Variants in TTC34 observed in about 807,000 individuals in gnomAD.
TTC34 encodes tetratricopeptide repeat protein 34.
In TTC34, 44 loss-of-function variants were observed where a neutral mutation model predicts 40.7. The ratio of observed to expected loss-of-function variants is 1.08; its 90% CI spans 0.85 to 1.39. The LOEUF (loss-of-function observed/expected upper bound fraction) is 1.39. Among genes scored for constraint, TTC34 ranks in the 40% most tolerant of loss-of-function variants. TTC34 has a pLI of 0.00. For missense variants in TTC34, 884 were observed against 838.0 expected (o/e 1.05, Z -0.68); for synonymous variants, 422 against 398.6 (o/e 1.06, Z -0.70).
At position 2,796,129 on chromosome 1, in the gene TTC34, C is replaced by A. The variant is rs1398049820; in HGVS notation, c.784+3915G>T. On this transcript the variant is annotated intron_variant, in intron 2 of 8. Coordinates refer to ENST00000401095, the Ensembl canonical transcript of TTC34. This position sits in a 1 kb window ranked among gnomAD's most constrained non-coding sequence, Gnocchi z 4.5. ...CAAGGCGCCATCTTGGAATCCGAAT[C>A]CCCAAGCCTGTTGGGGCCTTGGTTT... Among the ~76,000 whole-genome samples, 3 of 152,180 alleles carry A rather than the reference C, an allele frequency of 2.0e-5. No homozygotes were observed. The highest frequency in any genetic ancestry group is 4.4e-5 in the Non-Finnish European group (3 of 68,028).
exon 2 of TTC34, chr1:2,800,681 G>A (rs966444148): frequency 1.6e-4 from 63 of 398,426 alleles, no homozygotes; most frequent in Non-Finnish European, 2.5e-4. Context: ...CCTGGGCCAG[G>A]GCAGTGCGCA....
chr1:2,682,219 G>A (rs1259319953), intron 6 of TTC34, among the ~76,000 whole-genome samples: 1 of 129,070 alleles, frequency 7.7e-6, no homozygotes, highest in African/African-American at 2.7e-5. Flanking sequence ...ACCTGGAGCA[G>A]CACCCACAAC....
At chr1:2,787,568 G>A (rs1643606817) in exon 4 of TTC34, 4 of 1,546,274 alleles carry the variant, frequency 2.6e-6, no homozygotes, top group African/African-American at 2.7e-5. Flanking sequence ...TCCGGGATAG[G>A]GCCACCAGCA....
intron 2 of TTC34, among the ~76,000 whole-genome samples, chr1:2,797,239 A>T (rs1039708172): frequency 6.6e-6 from 1 of 152,104 alleles, no homozygotes; most frequent in South Asian, 2.1e-4. Flanking sequence ...GGGCCCACCC[A>T]CTAGCTGTTC....
chr1:2,685,039 C>A (rs1423824650), intron 6 of TTC34, among the ~76,000 whole-genome samples: 7 of 123,548 alleles, frequency 5.7e-5, no homozygotes, highest in African/African-American at 1.9e-4. Context: ...CACCCACACC[C>A]ACAGGTGAGC....
intron 6 of TTC34, among the ~76,000 whole-genome samples, chr1:2,683,620 G>A (rs1173575940): frequency 8.3e-5 from 4 of 48,254 alleles, no homozygotes; most frequent in African/African-American, 1.6e-4. Context: ...ACATCCTTCA[G>A]CAGCACCCAC....
At chr1:2,694,896 G>A (rs1258880575) in intron 6 of TTC34, among the ~76,000 whole-genome samples, 1 of 139,758 alleles carries the variant, frequency 7.2e-6, no homozygotes, top group African/African-American at 2.7e-5. Flanking sequence ...CCGACAGCCT[G>A]GAACAGCACC....
At chr1:2,641,512 C>T in exon 9 of TTC34, 4 of 1,535,522 alleles carry the variant, frequency 2.6e-6, no homozygotes, top group Non-Finnish European at 3.5e-6. Context: ...GGCAGCACTG[C>T]CCGCGGAGAA....
At chr1:2,698,502 T>C (rs1446740468) in intron 6 of TTC34, among the ~76,000 whole-genome samples, 1 of 122,662 alleles carries the variant, frequency 8.2e-6, no homozygotes, top group African/African-American at 3.2e-5. Context: ...GGCGAGCATC[T>C]GACAGCCTGA....
intron 6 of TTC34, among the ~76,000 whole-genome samples, chr1:2,752,658 G>T: frequency 7.1e-6 from 1 of 141,154 alleles, no homozygotes; most frequent in Non-Finnish European, 1.5e-5. Context: ...CACACCCCCA[G>T]GCGAGCATCT....
intron 6 of TTC34, among the ~76,000 whole-genome samples, chr1:2,694,107 AC>A (rs2100379476): frequency 7.2e-6 from 1 of 138,838 alleles, no homozygotes; most frequent in Non-Finnish European, 1.6e-5. Context: ...AGCACCCTGC[AC>A]CCCCAGGTGC....
Position 2,645,587 on chromosome 1 carries a change from G to GGGGGGGGGGGGGGGGGGCCCCC in TTC34, c.2227-25_2227-24insGGGGGCCCCCCCCCCCCCCCCC. 1 of 229,532 alleles carries GGGGGGGGGGGGGGGGGGCCCCC rather than the reference G, an allele frequency of 4.4e-6. No homozygotes were observed. The highest frequency in any genetic ancestry group is 8.6e-6 in the Non-Finnish European group (1 of 116,454). 14.2% of individuals were successfully genotyped at this position (229,532 alleles called of 1,614,324 possible). A position where few individuals can be genotyped will look rare whatever the true frequency, so the allele number is the denominator to read the frequency against. On this transcript the variant is annotated intron_variant, in intron 6 of 8. Transcript: ENST00000401095. This position sits in a 1 kb window ranked among gnomAD's most constrained non-coding sequence, Gnocchi z 4.7. ...TCCTGCAAGGAGGGAGGGCGGGCGG[G>GGGGGGGGGGGGGGGGGGCCCCC]TGCAGAGTTGTCCTAAGTAGAGAAA...
intron 6 of TTC34, among the ~76,000 whole-genome samples, chr1:2,652,885 A>T (rs1639198708): frequency 6.6e-6 from 1 of 152,210 alleles, no homozygotes; most frequent in African/African-American, 2.4e-5. Context: ...CAGCACCCAC[A>T]ACCAAAGGTG....
intron 2 of TTC34, among the ~76,000 whole-genome samples, chr1:2,799,587 C>A (rs540093480): frequency 1.3e-5 from 2 of 152,228 alleles, no homozygotes; most frequent in East Asian, 1.9e-4. Context: ...CACAGCTCAG[C>A]CTCACAGACT....
At chr1:2,771,437 C>T (rs866005272) in intron 6 of TTC34, among the ~76,000 whole-genome samples, 1 of 76,484 alleles carries the variant, frequency 1.3e-5, no homozygotes. Flanking sequence ...AAAACAGCAC[C>T]CTGCAACCCC....
chr1:2,783,940 G>C (rs1319432119), intron 5 of TTC34, among the ~76,000 whole-genome samples, 165 bp from the exon 6 acceptor site: 1 of 152,134 alleles, frequency 6.6e-6, no homozygotes, highest in Non-Finnish European at 1.5e-5. Context: ...GGGTGGACTT[G>C]GGGGCATTGG....
intron 6 of TTC34, among the ~76,000 whole-genome samples, chr1:2,655,592 A>C (rs1454381648): frequency 2.0e-5 from 3 of 150,360 alleles, no homozygotes; most frequent in Non-Finnish European, 4.4e-5. Flanking sequence ...AGCATCTGAC[A>C]GCCTGGAACA....
intron 6 of TTC34, among the ~76,000 whole-genome samples, chr1:2,655,693 AC>A (rs1639319926): frequency 7.2e-6 from 1 of 138,206 alleles, no homozygotes; most frequent in Admixed American, 7.0e-5. Context: ...AGCACCCTGC[AC>A]CCCCAGGTGA....
At chr1:2,688,413 C>A (rs1196932908) in intron 6 of TTC34, among the ~76,000 whole-genome samples, 2 of 150,694 alleles carry the variant, frequency 1.3e-5, no homozygotes, top group African/African-American at 2.5e-5. Context: ...CCCACACCCC[C>A]AGGTGAGCAT....
Sources: gnomAD v4.1 joint callset for allele counts (sites outside exome capture counted in the v4.1 genomes callset) on GRCh38, gnomAD v4.1.1 for gene constraint, Gnocchi (gnomAD v3.1) non-coding constraint, MANE v1.5 for transcripts, NCBI Gene and HGNC (gene_info 2026-07-23, HGNC 2026-07-21) for gene names.